Variants in TEAD2 observed in about 807,000 individuals in gnomAD.
TEAD2 encodes the protein TEA domain transcription factor 2, also known as transcriptional enhancer factor TEF-4.
TEAD2 carries 51 observed loss-of-function variants against 61.4 expected under a neutral mutation model. The ratio of observed to expected loss-of-function variants is 0.83; its 90% CI spans 0.66 to 1.05. The LOEUF (loss-of-function observed/expected upper bound fraction) is 1.05, where lower values mean the gene tolerates loss of function less well. TEAD2 is among the 50% of genes least tolerant of loss of function. The probability of loss-of-function intolerance (pLI) is 0.00; values close to 1 mark genes in which losing one functional copy is unlikely to be tolerated. For synonymous variants in TEAD2, 244 were observed against 243.2 expected, an observed-to-expected ratio of 1.00 and a Z score of -0.03; for missense variants, 509 against 600.0, an observed-to-expected ratio of 0.85 and a Z score of 1.58.
Position 49,341,300 on chromosome 19 carries a change from G to T in TEAD2, c.*24C>A. 1.3e-6 allele frequency: 2 copies of T among 1,598,912 alleles called. No individual in the cohort carries two copies. Among genetic ancestry groups the T allele is most frequent in the Non-Finnish European group, 1.7e-6 (2 of 1,166,662 alleles). On this transcript the variant is annotated 3_prime_UTR_variant, in exon 13 of 13. Coordinates refer to ENST00000593945, the MANE Select transcript of TEAD2 (RefSeq NM_001256660.2). This position sits in a 1 kb window ranked among gnomAD's most constrained non-coding sequence, Gnocchi z 4.2. ...CCCTGGGAGGAGGGTGTTCTGGGGG[G>T]TGAGCCAGTTTTGGGGTCCCCCTTC... is the stretch of plus-strand genomic sequence containing the variant.
intron 10 of TEAD2, 102 bp downstream of exon 10, chr19:49,347,088 G>A (rs1161017371): frequency 4.7e-6 from 7 of 1,474,996 alleles, no homozygotes; most frequent in Admixed American, 3.6e-5. Flanking sequence ...TAAGTCCCAG[G>A]CTGACCTGGT....
At chr19:49,350,913 G>A (rs768147051) in intron 8 of TEAD2, among the ~76,000 whole-genome samples, 7 of 151,896 alleles carry the variant, frequency 4.6e-5, no homozygotes, top group Non-Finnish European at 1.0e-4. Context: ...GGGTGCGGTG[G>A]CTCACACCTG....
chr19:49,349,449 C>T (rs1357803394), intron 8 of TEAD2, among the ~76,000 whole-genome samples: 3 of 147,158 alleles, frequency 2.0e-5, no homozygotes, highest in Admixed American at 1.4e-4. Context: ...GGGGACAGAG[C>T]GAGACTCTGT....
chr19:49,362,219 A>T (rs1488845854), intron 1 of TEAD2, 114 bp downstream of exon 1: 1 of 152,576 alleles, frequency 6.6e-6, no homozygotes, highest in Non-Finnish European at 1.5e-5. Flanking sequence ...AGGCTCGGTC[A>T]CGGGAGCAAA....
intron 7 of TEAD2, among the ~76,000 whole-genome samples, chr19:49,352,705 A>G (rs564911209): frequency 6.6e-6 from 1 of 152,050 alleles, no homozygotes; most frequent in Admixed American, 6.5e-5. Flanking sequence ...CACCCAGCTA[A>G]TTTTGTATTT....
At chr19:49,360,472 T>A in intron 1 of TEAD2, 1 of 241,774 alleles carries the variant, frequency 4.1e-6, no homozygotes, top group South Asian at 1.0e-4. Flanking sequence ...AGGATGGGAG[T>A]GTTCTCAGAG....
In TEAD2 at chr19:49,342,494, G is replaced by A. The variant is rs765333555; in HGVS notation, c.1186C>T (p.Gln396Ter). The change falls in exon 12 of 13, where the codon CAG becomes TAG. Residue 396 changes from glutamine (Q) to a stop codon, truncating the protein, a stop_gained. Transcript: ENST00000593945. LOFTEE classifies it high-confidence loss of function. Reference sequence around the variant, plus strand: ...TTCATCATGTATCGCTCAGGCAGCTGCCGCAACTTGTGCAAGAAATTCACC... The same window carrying A: ...TTCATCATGTATCGCTCAGGCAGCTACCGCAACTTGTGCAAGAAATTCACC... ...YLVNFLHKLR[Q>*]LPERYMMNSV... The A allele has an allele frequency of 6.2e-7, 1 of 1,614,198 alleles. No individual in the cohort carries two copies. Among genetic ancestry groups the A allele is most frequent in the Non-Finnish European group, 8.5e-7 (1 of 1,180,010 alleles).
intron 11 of TEAD2, 88 bp from the exon 12 acceptor site, chr19:49,342,678 G>A: frequency 6.6e-7 from 1 of 1,518,414 alleles, no homozygotes; most frequent in Non-Finnish European, 9.0e-7. Flanking sequence ...GTGCCTCTAA[G>A]ATGCCACCAC....
Position 49,359,515 on chromosome 19 carries a change from C to T in TEAD2, c.233-16G>A, listed in dbSNP as rs1309509442. On this transcript the variant is annotated splice_polypyrimidine_tract_variant and intron_variant, in intron 2 of 12. Coordinates refer to ENST00000593945, the MANE Select transcript of TEAD2 (RefSeq NM_001256660.2). The surrounding 1 kb of genome is among the most constrained non-coding windows in gnomAD (Gnocchi z 4.1). ...TCATTCCGACCTGAAGATTCAAAGA[C>T]GGAACAGAGTTAGTTAGACTTTCAA... 8.7e-6 allele frequency: 14 copies of T among 1,613,866 alleles called. No individual in the cohort carries two copies. The highest frequency in any genetic ancestry group is 2.2e-5 in the East Asian group (1 of 44,870).
intron 9 of TEAD2, 53 bp downstream of exon 9, chr19:49,348,650 G>T: frequency 6.7e-7 from 1 of 1,483,320 alleles, no homozygotes; most frequent in Non-Finnish European, 9.4e-7. Context: ...TTCCCTTCCT[G>T]TCACCCTCTA....
rs1600720451 is a variant in TEAD2 at position 49,347,245 on chromosome 19, A to G, written c.866T>C (p.Leu289Pro). 6.2e-7 allele frequency: 1 copy of G among 1,614,114 alleles called. No individual in the cohort carries two copies. Among genetic ancestry groups the G allele is most frequent in the Non-Finnish European group, 8.5e-7 (1 of 1,180,014 alleles). The change falls in exon 10 of 13, where the codon CTC (leucine) becomes CCC (proline). Residue 289 changes from leucine to proline, a missense_variant. Leu to Pro is a moderately conservative substitution (Grantham distance 98, BLOSUM62 -3). Coordinates refer to ENST00000593945, the MANE Select transcript of TEAD2 (RefSeq NM_001256660.2). Reference protein sequence around the residue: ...YDKFPEKKGGLRELYDRGPPH... With the variant: ...YDKFPEKKGGPRELYDRGPPH... ...GGGGCCACGATCATATAGCTCTCGG[A>G]GGCCACCCTTTTTCTCAGGGAATTT...
At position 49,349,032 on chromosome 19, in the gene TEAD2, T is replaced by TG. The variant is rs1380875244; in HGVS notation, c.605-188dup. The TG allele has an allele frequency of 5.0e-6, 3 of 596,262 alleles. No individual in the cohort carries two copies. The South Asian group carries it at 1.4e-4, about 28-fold the overall frequency. 36.9% of individuals were successfully genotyped at this position (596,262 alleles called of 1,614,324 possible). On this transcript the variant is annotated intron_variant, in intron 8 of 12. Transcript: ENST00000593945. ...CAATGAGACGTTAGGGGAAATCTGC[T>TG]GGGGGGCTTCTGGGAAGGAGTTTCT...
chr19:49,347,163 A>G (rs766451182), intron 10 of TEAD2, 27 bp downstream of exon 10: 2 of 1,609,762 alleles, frequency 1.2e-6, no homozygotes, highest in Admixed American at 3.3e-5. Flanking sequence ...ATTTGTGAGC[A>G]CTTTTGATTT....
At position 49,342,606 on chromosome 19, in the gene TEAD2, G is replaced by A. The variant is rs1197000825; in HGVS notation, c.1090-16C>T. ...CCCGTTCCGTCTGAACCAAGGGGAA[G>A]GGAGTTGGGAAAATGGTGGCTGAGA... On this transcript the variant is annotated splice_polypyrimidine_tract_variant and intron_variant, in intron 11 of 12. Transcript: ENST00000593945. 6.2e-7 allele frequency: 1 copy of A among 1,602,870 alleles called. No individual in the cohort carries two copies. Among genetic ancestry groups the A allele is most frequent in the Non-Finnish European group, 8.5e-7 (1 of 1,171,390 alleles).
intron 8 of TEAD2, among the ~76,000 whole-genome samples, chr19:49,350,388 C>T (rs973321722): frequency 1.2e-4 from 18 of 152,230 alleles, no homozygotes; most frequent in African/African-American, 3.9e-4. Context: ...GGTGCCACCT[C>T]GGCTCACTGC....
At chr19:49,343,861 G>T (rs1369215979) in intron 10 of TEAD2, among the ~76,000 whole-genome samples, 4 of 146,236 alleles carry the variant, frequency 2.7e-5, no homozygotes, top group African/African-American at 7.5e-5. Context: ...TTTTTGGGGG[G>T]GGGGGAACAG....
intron 4 of TEAD2, 23 bp from the exon 5 acceptor site, chr19:49,355,993 G>A: frequency 8.0e-7 from 1 of 1,253,742 alleles, no homozygotes; most frequent in Non-Finnish European, 1.0e-6. Context: ...GTGGGGGAGG[G>A]TGCCAAAGGA....
intron 10 of TEAD2, among the ~76,000 whole-genome samples, 155 bp downstream of exon 10, chr19:49,347,035 G>A (rs1971691431): frequency 6.6e-6 from 1 of 152,194 alleles, no homozygotes. Context: ...GGTGTTCCTT[G>A]TTGCAAAGGG....
chr19:49,358,397 A>G (rs1270537725), intron 3 of TEAD2, among the ~76,000 whole-genome samples: 1 of 142,594 alleles, frequency 7.0e-6, no homozygotes, highest in Non-Finnish European at 1.5e-5. Context: ...CTTGGGAGAC[A>G]CAGTGACTTT....
Sources: gnomAD v4.1 joint callset for allele counts (sites outside exome capture counted in the v4.1 genomes callset) on GRCh38, gnomAD v4.1.1 for gene constraint, Gnocchi (gnomAD v3.1) non-coding constraint, MANE v1.5 for transcripts, NCBI Gene and HGNC (gene_info 2026-07-23, HGNC 2026-07-21) for gene names.